The following DAB1 variants were observed in gnomAD, a reference collection of about 807,000 sequenced individuals.
DAB1 encodes disabled homolog 1.
Under a neutral mutation model 64.6 loss-of-function variants are expected in DAB1, and 15 were observed. The ratio of observed to expected loss-of-function variants is 0.23; its 90% CI spans 0.16 to 0.36. The LOEUF (loss-of-function observed/expected upper bound fraction) is 0.36, where lower values mean the gene tolerates loss of function less well. DAB1 is among the 10% of genes least tolerant of loss of function. The pLI, the probability that DAB1 is intolerant of heterozygous loss-of-function variation, is 1.00. For missense variants in DAB1, 596 were observed against 706.7 expected, an observed-to-expected ratio of 0.84 and a Z score of 1.78; for synonymous variants, 235 against 251.9, an observed-to-expected ratio of 0.93 and a Z score of 0.64.
intron 5 of DAB1, among the ~76,000 whole-genome samples, chr1:58,130,413 C>T (rs1319508877): frequency 6.6e-6 from 1 of 151,372 alleles, no homozygotes; most frequent in African/African-American, 2.4e-5. Context: ...CTTTATCCAA[C>T]TTGCCAGTCT....
chr1:57,690,511 T>C (rs992679335), intron 6 of DAB1, among the ~76,000 whole-genome samples: 8 of 152,214 alleles, frequency 5.3e-5, no homozygotes, highest in African/African-American at 1.9e-4. Flanking sequence ...CCTTTTGCCA[T>C]GACTGAAAGT....
intron 6 of DAB1, among the ~76,000 whole-genome samples, chr1:57,687,717 G>T (rs924875554): frequency 6.7e-6 from 1 of 149,994 alleles, no homozygotes; most frequent in African/African-American, 2.5e-5. Context: ...TACAAAAACA[G>T]ACACAAAGAC....
intron 6 of DAB1, among the ~76,000 whole-genome samples, chr1:57,744,165 A>G (rs1390026011): frequency 6.6e-6 from 1 of 152,194 alleles, no homozygotes; most frequent in Non-Finnish European, 1.5e-5. Flanking sequence ...TGCTCCCAAC[A>G]TGACTCTGAG....
At chr1:58,119,977 A>T (rs1489073478) in intron 5 of DAB1, among the ~76,000 whole-genome samples, 4 of 152,044 alleles carry the variant, frequency 2.6e-5, no homozygotes, top group Non-Finnish European at 5.9e-5. Flanking sequence ...CTATCCCCAC[A>T]TTCCAAAATT....
intron 3 of DAB1, 44 bp from the exon 4 acceptor site, chr1:57,136,685 T>C: frequency 1.5e-6 from 2 of 1,369,794 alleles, no homozygotes; most frequent in Non-Finnish European, 2.0e-6. Flanking sequence ...TGTTTTCATT[T>C]GAAAATTCTC....
At chr1:57,501,543 C>T (rs1231747707) in intron 7 of DAB1, among the ~76,000 whole-genome samples, 2 of 152,126 alleles carry the variant, frequency 1.3e-5, no homozygotes, top group Non-Finnish European at 2.9e-5. Context: ...CCAGATATAC[C>T]AAGGATTGGA....
chr1:57,584,229 CT>C (rs923293848), intron 7 of DAB1, among the ~76,000 whole-genome samples: 18 of 152,106 alleles, frequency 1.2e-4, no homozygotes, highest in East Asian at 9.7e-4. Context: ...TATCATTTCC[CT>C]TTTTTTTGTC....
At chr1:58,014,523 G>A (rs1480136488) in intron 5 of DAB1, among the ~76,000 whole-genome samples, 1 of 152,212 alleles carries the variant, frequency 6.6e-6, no homozygotes, top group African/African-American at 2.4e-5. Context: ...AGGTGCAGAT[G>A]TGGCCCTTGG....
intron 14 of DAB1, among the ~76,000 whole-genome samples, chr1:57,008,502 G>A (rs1646164397): frequency 1.3e-5 from 2 of 152,162 alleles, no homozygotes; most frequent in African/African-American, 4.8e-5. Context: ...GCTATACACA[G>A]TGCTAAGAGC....
Position 57,439,618 on chromosome 1 carries a change from C to T in DAB1, n.626-148452G>A, listed in dbSNP as rs1249479902. On this transcript the variant is annotated intron_variant and non_coding_transcript_variant, in intron 7 of 20. Coordinates refer to the DAB1 transcript ENST00000485760. ...TAATTTTTTGTATTTTTAGTAGAGACGGGGTTCACCATGTTAGCCAGGATG... is the reference window on the plus strand; with the variant it reads ...TAATTTTTTGTATTTTTAGTAGAGATGGGGTTCACCATGTTAGCCAGGATG... 4.8e-5 allele frequency among the ~76,000 whole-genome samples: 6 copies of T among 124,454 alleles called. 1 individual carries two copies. The highest frequency in any genetic ancestry group is 2.8e-4 in the South Asian group (1 of 3,562). 81.6% of individuals were successfully genotyped at this position (124,454 alleles called of 152,430 possible). A position where few individuals can be genotyped will look rare whatever the true frequency, so the allele number is the denominator to read the frequency against.
intron 4 of DAB1, among the ~76,000 whole-genome samples, chr1:57,086,367 G>T (rs951005532): frequency 6.6e-6 from 1 of 152,118 alleles, no homozygotes; most frequent in African/African-American, 2.4e-5. Flanking sequence ...GTTCATAGGC[G>T]AACAGATGGT....
intron 1 of DAB1, among the ~76,000 whole-genome samples, chr1:57,393,164 C>T (rs559758198): frequency 1.8e-4 from 28 of 152,154 alleles, no homozygotes; most frequent in Middle Eastern, 3.4e-3. Context: ...AATTCTTTGG[C>T]CTTGGTTTCT....
Position 57,584,796 on chromosome 1 carries a change from G to A in DAB1, n.625+64796C>T, listed in dbSNP as rs77745699. On this transcript the variant is annotated intron_variant and non_coding_transcript_variant, in intron 7 of 20. Transcript: ENST00000485760. ...TGTGTTGTTAGGTCCCCTAATACCT[G>A]TATGGATATCTCCATTATTAGTTTC... 8.5e-3 allele frequency among the ~76,000 whole-genome samples: 1,294 copies of A among 152,288 alleles called. 15 individuals are homozygous for A. The highest frequency in any genetic ancestry group is 0.03 in the African/African-American group (1,240 of 41,550).
chr1:58,508,142 G>A (rs1003055586), intron 2 of DAB1, among the ~76,000 whole-genome samples: 3 of 152,066 alleles, frequency 2.0e-5, no homozygotes, highest in Non-Finnish European at 4.4e-5. Flanking sequence ...CTACAGACTA[G>A]AAAGTATTCC....
chr1:57,025,201 CTCTTT>C (rs1339093862), intron 10 of DAB1, among the ~76,000 whole-genome samples: 2 of 152,204 alleles, frequency 1.3e-5, no homozygotes, highest in African/African-American at 4.8e-5. Flanking sequence ...GCCATCTCGG[CTCTTT>C]TCTTTGCAGT....
At chr1:56,999,176 T>G (rs1645750348) in intron 14 of DAB1, among the ~76,000 whole-genome samples, 1 of 152,218 alleles carries the variant, frequency 6.6e-6, no homozygotes, top group Non-Finnish European at 1.5e-5. Flanking sequence ...GCCCCTACCA[T>G]GTGTCTGGCA....
At chr1:57,728,104 A>G (rs1647258991) in intron 6 of DAB1, among the ~76,000 whole-genome samples, 1 of 152,180 alleles carries the variant, frequency 6.6e-6, no homozygotes, top group Admixed American at 6.5e-5. Context: ...TACCAAAGAC[A>G]CTTTAGAAAA....
chr1:58,508,202 A>AT, intron 2 of DAB1, among the ~76,000 whole-genome samples: 1 of 152,324 alleles, frequency 6.6e-6, no homozygotes, highest in East Asian at 1.9e-4. Flanking sequence ...TAATGTTAAG[A>AT]TAAGAGTGTT....
chr1:57,887,740 G>T (rs1201366808), upstream of DAB1, among the ~76,000 whole-genome samples: 1 of 152,046 alleles, frequency 6.6e-6, no homozygotes, highest in African/African-American at 2.4e-5. Context: ...ATAAGGAGAG[G>T]GGCAAGTAAA....
Sources: gnomAD v4.1 joint callset for allele counts (sites outside exome capture counted in the v4.1 genomes callset) on GRCh38, gnomAD v4.1.1 for gene constraint, MANE v1.5 for transcripts, NCBI Gene and HGNC (gene_info 2026-07-23, HGNC 2026-07-21) for gene names.